The following MEI1 variants were observed in gnomAD, a reference collection of about 807,000 sequenced individuals.
MEI1 encodes meiosis inhibitor protein 1.
In MEI1, 103 loss-of-function variants were observed where a neutral mutation model predicts 146.2. That is an observed-to-expected ratio of 0.70 (90% confidence interval 0.60 to 0.83). The LOEUF (loss-of-function observed/expected upper bound fraction) is 0.83. Among genes scored for constraint, MEI1 ranks in the 40% least tolerant of loss-of-function variants. MEI1 has a pLI of 0.00. For missense variants in MEI1, 1,529 were observed against 1,533.0 expected, an observed-to-expected ratio of 1.00 and a Z score of 0.04; for synonymous variants, 652 against 628.2, an observed-to-expected ratio of 1.04 and a Z score of -0.57.
chr22:41,732,776 ATT>A (rs767715701), intron 11 of MEI1, among the ~76,000 whole-genome samples, 173 bp downstream of exon 11: 64 of 133,674 alleles, frequency 4.8e-4, no homozygotes, highest in East Asian at 6.3e-4. Context: ...GGATTGAAAA[ATT>A]TTTTTTTTTT....
chr22:41,705,433 A>G, intron 2 of MEI1, 71 bp from the exon 3 acceptor site: 1 of 1,347,208 alleles, frequency 7.4e-7, no homozygotes, highest in Non-Finnish European at 1.1e-6. Context: ...GGCCTCCCAA[A>G]TTGCTGGGGT....
intron 3 of MEI1, among the ~76,000 whole-genome samples, chr22:41,707,300 G>A (rs947524853): frequency 2.0e-5 from 3 of 152,262 alleles, no homozygotes; most frequent in South Asian, 4.1e-4. Flanking sequence ...CTCCCTCACT[G>A]GGGCTGGGGG....
intron 5 of MEI1, 75 bp from the exon 6 acceptor site, chr22:41,717,996 A>AATAATAGATTGGAGTTTCATAT: frequency 8.3e-7 from 1 of 1,202,936 alleles, no homozygotes; most frequent in Admixed American, 2.2e-5. Context: ...CCCCGTTAGG[A>AATAATAGATTGGAGTTTCATAT]ATAATAGATT....
intron 18 of MEI1, among the ~76,000 whole-genome samples, chr22:41,761,341 G>T (rs1315674551): frequency 2.1e-5 from 3 of 144,094 alleles, no homozygotes; most frequent in African/African-American, 7.8e-5. Context: ...TTGAGACGGA[G>T]ACTCACTCTG....
chr22:41,786,701 G>A (rs1011156153), intron 26 of MEI1, among the ~76,000 whole-genome samples: 1 of 152,200 alleles, frequency 6.6e-6, no homozygotes, highest in Non-Finnish European at 1.5e-5. Flanking sequence ...CCCTCTCCTG[G>A]AGGCCAGAGC....
intron 11 of MEI1, among the ~76,000 whole-genome samples, chr22:41,739,921 A>T (rs1190505794): frequency 6.6e-6 from 1 of 152,192 alleles, no homozygotes; most frequent in Admixed American, 6.5e-5. Flanking sequence ...CCAGCAGGTT[A>T]CATGAAGCGG....
chr22:41,778,712 G>T lies in MEI1; in HGVS notation c.2715G>T (p.Ser905=). 6.2e-7 allele frequency: 1 copy of T among 1,601,184 alleles called. No individual in the cohort carries two copies. Residue 905 remains serine, a synonymous_variant, in exon 22 of 31, where the codon TCG becomes TCT. Coordinates refer to ENST00000401548, the MANE Select transcript of MEI1 (RefSeq NM_152513.4). ...AGTCCTCCTTGTTCTTCACAGCCTCGGGGAACCTACCATTGCTGCTGAGCC... is the reference window on the plus strand; with the variant it reads ...AGTCCTCCTTGTTCTTCACAGCCTCTGGGAACCTACCATTGCTGCTGAGCC... ...VEHGASPSGA[S]GNLPLLLSLL...
chr22:41,764,889 T>G (rs1423721187), intron 19 of MEI1, among the ~76,000 whole-genome samples: 1 of 152,184 alleles, frequency 6.6e-6, no homozygotes, highest in Non-Finnish European at 1.5e-5. Context: ...GGAGTCCGAC[T>G]CCCGCATCAG....
In MEI1 at chr22:41,781,858, C is replaced by T. The variant is rs1281232027; in HGVS notation, c.3087+13C>T. On this transcript the variant is annotated intron_variant, in intron 24 of 30. Coordinates refer to ENST00000401548, the MANE Select transcript of MEI1 (RefSeq NM_152513.4). Reference sequence around the variant, plus strand: ...GGGCAGTTTGCAGGTTAGTCTTTAACTCCTGTGGCTTTGAGGCATGGGGTG... The same window carrying T: ...GGGCAGTTTGCAGGTTAGTCTTTAATTCCTGTGGCTTTGAGGCATGGGGTG... The T allele has an allele frequency of 6.2e-7, 1 of 1,613,364 alleles. No individual in the cohort carries two copies. Among genetic ancestry groups the T allele is most frequent in the Non-Finnish European group, 8.5e-7 (1 of 1,179,454 alleles).
chr22:41,737,314 G>T (rs966793258), intron 11 of MEI1, among the ~76,000 whole-genome samples: 5 of 151,532 alleles, frequency 3.3e-5, no homozygotes, highest in Admixed American at 2.6e-4. Context: ...TCGGCTCACT[G>T]CAAGCTCCGC....
chr22:41,702,239 C>CA (rs988777321), intron 1 of MEI1, among the ~76,000 whole-genome samples: 5 of 151,806 alleles, frequency 3.3e-5, no homozygotes, highest in Non-Finnish European at 7.4e-5. Flanking sequence ...CTCCCAGGTT[C>CA]AAGCGATTCT....
chr22:41,781,170 T>G, intron 22 of MEI1, 114 bp from the exon 23 acceptor site: 1 of 708,956 alleles, frequency 1.4e-6, no homozygotes, highest in Non-Finnish European at 2.5e-6. Context: ...CAGGGATACT[T>G]AGTTTGTGCT....
At chr22:41,744,733 C>T (rs56106003) in intron 12 of MEI1, among the ~76,000 whole-genome samples, 2 of 20,528 alleles carry the variant, frequency 9.7e-5, no homozygotes, top group Non-Finnish European at 9.3e-5. Flanking sequence ...CTCTTGACCT[C>T]GTGATCCGCC....
At chr22:41,770,416 C>G (rs1187007314) in intron 19 of MEI1, among the ~76,000 whole-genome samples, 1 of 151,966 alleles carries the variant, frequency 6.6e-6, no homozygotes, top group East Asian at 1.9e-4. Context: ...CCTACTAGAT[C>G]CCAATAGCAT....
At position 41,719,346 on chromosome 22, in the gene MEI1, C is replaced by A. The variant is rs188845559; in HGVS notation, c.733+1072C>A. Among the ~76,000 whole-genome samples, 224 of 152,224 alleles carry A rather than the reference C, an allele frequency of 1.5e-3. 1 individual carries two copies. Among genetic ancestry groups the A allele is most frequent in the African/African-American group, 5.3e-3 (219 of 41,536 alleles). ...GCATTACAGGCACCCACCATCACAT[C>A]CGGCCAAGTTTTATATTTTTAGTGG... is the stretch of plus-strand genomic sequence containing the variant. On this transcript the variant is annotated intron_variant, in intron 6 of 30. Transcript: ENST00000401548.
intron 22 of MEI1, among the ~76,000 whole-genome samples, chr22:41,780,705 C>T (rs1331811116): frequency 1.3e-5 from 2 of 151,652 alleles, no homozygotes; most frequent in African/African-American, 2.4e-5. Context: ...CTCAGCCTCT[C>T]GAGTAGCTGG....
At chr22:41,791,172 C>T (rs2076169136) in intron 26 of MEI1, among the ~76,000 whole-genome samples, 1 of 152,134 alleles carries the variant, frequency 6.6e-6, no homozygotes, top group Admixed American at 6.6e-5. Flanking sequence ...GGAAGGACAT[C>T]TATCAGACTG....
chr22:41,787,646 G>T (rs2148207080), intron 26 of MEI1, among the ~76,000 whole-genome samples: 1 of 152,242 alleles, frequency 6.6e-6, no homozygotes, highest in African/African-American at 2.4e-5. Context: ...TTAGGGAAAT[G>T]CTTTCTCCCT....
chr22:41,718,501 AT>A (rs2070425772), intron 6 of MEI1, among the ~76,000 whole-genome samples: 1 of 151,998 alleles, frequency 6.6e-6, no homozygotes, highest in East Asian at 1.9e-4. Flanking sequence ...TGGGACAGCA[AT>A]TTTTTCTGCC....
Sources: gnomAD v4.1 joint callset for allele counts (sites outside exome capture counted in the v4.1 genomes callset) on GRCh38, gnomAD v4.1.1 for gene constraint, MANE v1.5 for transcripts, NCBI Gene and HGNC (gene_info 2026-07-23, HGNC 2026-07-21) for gene names.